Variants in BCL9 observed in about 807,000 individuals in gnomAD.
The protein encoded by BCL9 is BCL9 transcription coactivator.
In BCL9, 25 loss-of-function variants were observed where a neutral mutation model predicts 88.5. The observed-to-expected ratio is 0.28, with a 90% confidence interval of 0.21 to 0.39. The LOEUF is 0.39. BCL9 is among the 10% of genes least tolerant of loss of function. The probability of loss-of-function intolerance (pLI) is 1.00; values close to 1 mark genes in which losing one functional copy is unlikely to be tolerated. For missense variants in BCL9, 1,817 were observed against 1,877.8 expected (o/e 0.97, Z 0.60); for synonymous variants, 711 against 673.3 (o/e 1.06, Z -0.87).
chr1:147,621,095 C>A, intron 8 of BCL9, 38 bp downstream of exon 8: 1 of 1,559,540 alleles, frequency 6.4e-7, no homozygotes, highest in Non-Finnish European at 8.7e-7. Context: ...CACCTAGTAG[C>A]TGGAGACTGC....
chr1:147,623,933 A>G lies in BCL9; in HGVS notation c.3255A>G (p.Pro1085=), dbSNP rs782181135. The change falls in exon 10 of 10, where the codon CCA becomes CCG. Residue 1085 remains proline, a synonymous_variant. Transcript: ENST00000234739. Reference sequence around the variant, plus strand: ...TCAGCCCAATGGGAATGACCCAGCCACTTTCTCACTCCAATCAGATGCCCT... The same window carrying G: ...TCAGCCCAATGGGAATGACCCAGCCGCTTTCTCACTCCAATCAGATGCCCT... ...PTLSPMGMTQ[P]LSHSNQMPSP... 1 of 1,614,144 alleles carries G rather than the reference A, an allele frequency of 6.2e-7. No individual in the cohort carries two copies.
chr1:147,548,991 T>TTTC (rs1654753630), intron 1 of BCL9, among the ~76,000 whole-genome samples: 1 of 148,956 alleles, frequency 6.7e-6, no homozygotes, highest in South Asian at 2.2e-4. Flanking sequence ...TTTTTTTTTT[T>TTTC]TTTTTGACTG....
chr1:147,624,895 C>CTGCTGACGTGGGCATGGG lies in BCL9; in HGVS notation c.4220_4237dup (p.Ala1407_Gly1412dup), dbSNP rs1553206316. ...CCACAGATGAGGCCCCGGGGCATGG[C>CTGCTGACGTGGGCATGGG]TGCTGACGTGGGCATGGGTGGATTT... On this transcript the variant is annotated inframe_insertion, in exon 10 of 10. Coordinates refer to ENST00000234739, the MANE Select transcript of BCL9 (RefSeq NM_004326.4). This position sits in a 1 kb window ranked among gnomAD's most constrained non-coding sequence, Gnocchi z 4.4. The CTGCTGACGTGGGCATGGG allele has an allele frequency of 6.2e-7, 1 of 1,614,076 alleles. No individual in the cohort carries two copies. The highest frequency in any genetic ancestry group is 8.5e-7 in the Non-Finnish European group (1 of 1,179,932).
intron 1 of BCL9, among the ~76,000 whole-genome samples, chr1:147,565,385 T>C (rs1480462304): frequency 1.3e-5 from 2 of 152,216 alleles, no homozygotes; most frequent in East Asian, 3.8e-4. Context: ...CTCACAGAAG[T>C]GCTAATACCT....
At chr1:147,622,900 G>A (rs1658716695) in intron 9 of BCL9, among the ~76,000 whole-genome samples, 1 of 151,490 alleles carries the variant, frequency 6.6e-6, no homozygotes, top group South Asian at 2.1e-4. Context: ...TTTTCTGGAA[G>A]AGCAGCCTCA....
intron 1 of BCL9, among the ~76,000 whole-genome samples, chr1:147,580,216 T>G (rs1263689340): frequency 6.6e-6 from 1 of 152,088 alleles, no homozygotes; most frequent in East Asian, 1.9e-4. Flanking sequence ...TCAAAACCAA[T>G]CCTGTGTGCT....
chr1:147,622,060 C>T (rs181714283), intron 8 of BCL9, among the ~76,000 whole-genome samples: 3 of 152,132 alleles, frequency 2.0e-5, no homozygotes, highest in Non-Finnish European at 2.9e-5. Flanking sequence ...ATCTGCTGAT[C>T]GGTCATGTCA....
Position 147,559,427 on chromosome 1 carries a change from C to T in BCL9, c.-478+17753C>T, listed in dbSNP as rs1655270076. Among the ~76,000 whole-genome samples the T allele has an allele frequency of 6.6e-5, 10 of 152,216 alleles. 2 individuals are homozygous for T. The South Asian group carries it at 2.1e-3, about 32-fold the overall frequency. On this transcript the variant is annotated intron_variant, in intron 1 of 9. Transcript: ENST00000234739. ...TAGCAGTTGCTTTATATGTGCCATT[C>T]CATTTAAACTGCAAAATTTCACATA... is the stretch of plus-strand genomic sequence containing the variant.
chr1:147,584,806 C>A (rs627548), intron 1 of BCL9, among the ~76,000 whole-genome samples: 15,270 of 152,230 alleles, frequency 0.1, 839 homozygotes, highest in African/African-American at 0.13. Context: ...TGGTAAGGAA[C>A]CTTCCTACTA....
At position 147,619,232 on chromosome 1, in the gene BCL9, G is replaced by A. The variant is rs2101619405; in HGVS notation, c.1077G>A (p.Arg359=). 2 of 1,614,158 alleles carry A rather than the reference G, an allele frequency of 1.2e-6. No homozygotes were observed. The highest frequency in any genetic ancestry group is 1.7e-6 in the Non-Finnish European group (2 of 1,180,032). Residue 359 remains arginine (R), a synonymous_variant, in exon 8 of 10, where the codon CGG becomes CGA. Coordinates refer to ENST00000234739, the MANE Select transcript of BCL9 (RefSeq NM_004326.4). This position sits in a 1 kb window ranked among gnomAD's most constrained non-coding sequence, Gnocchi z 4.1. ...DGLSQEQLEH[R]ERSLQTLRDI... is the part of the protein sequence containing the mutation. The stretch of plus-strand genomic sequence containing the variant: ...TATCTCAGGAGCAGCTGGAGCACCG[G>A]GAGCGCTCCTTACAAACTCTCAGAG...
chr1:147,607,934 A>C (rs587648714), intron 3 of BCL9, among the ~76,000 whole-genome samples: 35 of 152,308 alleles, frequency 2.3e-4, no homozygotes, highest in African/African-American at 8.2e-4. Context: ...GAGAACTTGC[A>C]GCATGAGAAG....
chr1:147,608,057 A>G (rs587713687), intron 3 of BCL9, among the ~76,000 whole-genome samples: 1 of 152,300 alleles, frequency 6.6e-6, no homozygotes, highest in Admixed American at 6.5e-5. Context: ...GAGGAAAGCT[A>G]GGAAAATGAG....
At chr1:147,589,495 C>G (rs1656760417) in intron 1 of BCL9, among the ~76,000 whole-genome samples, 1 of 152,130 alleles carries the variant, frequency 6.6e-6, no homozygotes, top group African/African-American at 2.4e-5. Flanking sequence ...GCAGTCGATC[C>G]CCATTCCCAC....
intron 1 of BCL9, among the ~76,000 whole-genome samples, chr1:147,543,883 C>T (rs13375044): frequency 1.3e-5 from 2 of 152,030 alleles, no homozygotes; most frequent in African/African-American, 4.8e-5. Flanking sequence ...CTTGGCCAAC[C>T]AAAGAGAGGC....
At chr1:147,600,166 T>A (rs1553201048) in intron 1 of BCL9, 1 of 156,730 alleles carries the variant, frequency 6.4e-6, no homozygotes, top group South Asian at 1.8e-4. Flanking sequence ...ATGGAGCCTA[T>A]GTGTGCTTGC....
rs1237722529 is a variant in BCL9, at chr1:147,611,558, T to G, written c.-259-20T>G. The G allele has an allele frequency of 1.9e-5, 9 of 472,700 alleles. No individual in the cohort carries two copies. Among genetic ancestry groups the G allele is most frequent in the Non-Finnish European group, 3.1e-5 (8 of 261,720 alleles). The allele number at this position is 472,700 out of a possible 1,614,324, so 29.3% of individuals were successfully genotyped here. ...CTCTGTTTTTGCTCCCAACTTTTTT[T>G]GGGTGGCCTTTTCCTGTAGTATGCC... On this transcript the variant is annotated intron_variant, in intron 3 of 9. Transcript: ENST00000234739.
rs782694098 is a variant in BCL9 at position 147,620,005 on chromosome 1, G to A, written c.1850G>A (p.Arg617Gln). ...CAGGGCATTTTCAGCGGTCCTGGCC[G>A]AGGGGAACGCTTCCCAAACCCCCAA... ...PGQGIFSGPGRGERFPNPQGL... is the reference protein window; with the variant it reads ...PGQGIFSGPGQGERFPNPQGL... The change falls in exon 8 of 10, where the codon CGA (arginine) becomes CAA (glutamine). Residue 617 changes from arginine to glutamine, a missense_variant. Arg to Gln is a conservative substitution (Grantham distance 43). This residue lies in a region of BCL9 where 1,228 missense variants were observed against 1,191.6 expected (regional missense o/e 1.03). Coordinates refer to ENST00000234739, the MANE Select transcript of BCL9 (RefSeq NM_004326.4). The A allele has an allele frequency of 6.8e-6, 11 of 1,614,070 alleles. No homozygotes were observed. The highest frequency in any genetic ancestry group is 1.6e-4 in the Middle Eastern group (1 of 6,084).
chr1:147,617,091 A>G (rs1658320331), intron 7 of BCL9, among the ~76,000 whole-genome samples: 1 of 152,240 alleles, frequency 6.6e-6, no homozygotes, highest in African/African-American at 2.4e-5. Flanking sequence ...TCCTAAACTT[A>G]GAAAAGGAAT....
intron 1 of BCL9, among the ~76,000 whole-genome samples, chr1:147,578,750 T>G (rs1343693334): frequency 1.3e-5 from 2 of 152,224 alleles, no homozygotes; most frequent in African/African-American, 2.4e-5. Context: ...TCTGTGCACA[T>G]GGTTTGTGTC....
Sources: gnomAD v4.1 joint callset for allele counts (sites outside exome capture counted in the v4.1 genomes callset) on GRCh38, gnomAD v4.1.1 for gene constraint, gnomAD v4.1.1 regional missense constraint, Gnocchi (gnomAD v3.1) non-coding constraint, MANE v1.5 for transcripts, NCBI Gene and HGNC (gene_info 2026-07-23, HGNC 2026-07-21) for gene names.